M1AP: variants seen among roughly 807,000 people sequenced by gnomAD.
M1AP encodes the protein meiosis 1 arrest protein.
In M1AP, 39 loss-of-function variants were observed where a neutral mutation model predicts 51.2. The observed-to-expected ratio is 0.76, with a 90% CI of 0.59 to 1.00. The LOEUF (loss-of-function observed/expected upper bound fraction) is 1.00. Among genes scored for constraint, M1AP ranks in the 50% least tolerant of loss-of-function variants. The pLI, the probability that M1AP is intolerant of heterozygous loss-of-function variation, is 0.00. For synonymous variants in M1AP, 251 were observed against 249.2 expected (o/e 1.01, Z -0.07); for missense variants, 545 against 641.2 (o/e 0.85, Z 1.62).
Position 74,567,010 on chromosome 2 carries a change from G to A in M1AP, c.1075-4587C>T, listed in dbSNP as rs115464141. 2.4e-3 allele frequency among the ~76,000 whole-genome samples: 373 copies of A among 152,318 alleles called. 4 individuals are homozygous for A. Among genetic ancestry groups the A allele is most frequent in the African/African-American group, 8.5e-3 (353 of 41,566 alleles). The stretch of plus-strand genomic sequence containing the variant: ...ACAGACATGACTTTGTAATTGAAAT[G>A]AGGATGTGGAAAGTGAGTCACTAGC... On this transcript the variant is annotated intron_variant, in intron 7 of 10. Coordinates refer to ENST00000421985, the MANE Select transcript of M1AP (RefSeq NM_001321739.2).
rs534273779 is a variant in M1AP at position 74,622,543 on chromosome 2, CTT to C, written c.241-7396_241-7395del. 2.9e-3 allele frequency among the ~76,000 whole-genome samples: 340 copies of C among 117,292 alleles called. 3 individuals are homozygous for C. Among genetic ancestry groups the C allele is most frequent in the Middle Eastern group, 9.9e-3 (2 of 202 alleles). 76.9% of individuals were successfully genotyped at this position (117,292 alleles called of 152,430 possible). On this transcript the variant is annotated intron_variant, in intron 2 of 10. Coordinates refer to ENST00000421985, the MANE Select transcript of M1AP (RefSeq NM_001321739.2). The stretch of plus-strand genomic sequence containing the variant: ...AGCCACCGCGCCCGGCCATTGCCTG[CTT>C]TTTTTTTTTTTTTTTTTTCTATTTT...
intron 2 of M1AP, among the ~76,000 whole-genome samples, chr2:74,623,134 T>C (rs1682166630): frequency 6.6e-6 from 1 of 152,140 alleles, no homozygotes; most frequent in African/African-American, 2.4e-5. Context: ...AAACAAATTA[T>C]TGGACTAGAT....
Position 74,562,409 on chromosome 2 carries a change from C to A in M1AP, c.1089G>T (p.Leu363=). The change falls in exon 8 of 11, where the codon CTG becomes CTT. Residue 363 remains leucine, a synonymous_variant. Coordinates refer to ENST00000421985, the MANE Select transcript of M1AP (RefSeq NM_001321739.2). ...CCGGTGGTTCCCCCTTGGCTAACAG[C>A]AGCCATTCCCTTTTCTGAAACAAGG... ...LCHSLLKREW[L]LLAKGEPPGP... The A allele has an allele frequency of 6.2e-7, 1 of 1,614,208 alleles. No individual in the cohort carries two copies. The highest frequency in any genetic ancestry group is 8.5e-7 in the Non-Finnish European group (1 of 1,180,022).
chr2:74,629,932 A>C (rs2104801003), intron 2 of M1AP, among the ~76,000 whole-genome samples: 1 of 150,996 alleles, frequency 6.6e-6, no homozygotes, highest in African/African-American at 2.4e-5. Context: ...TGGATAAGAG[A>C]TTCACAACTT....
intron 4 of M1AP, among the ~76,000 whole-genome samples, chr2:74,605,724 C>T (rs1395350933): frequency 6.6e-6 from 1 of 152,002 alleles, no homozygotes; most frequent in East Asian, 1.9e-4. Flanking sequence ...CACGGTGAAA[C>T]CCTGTCTCTA....
chr2:74,582,437 T>C (rs1489962127), intron 4 of M1AP, among the ~76,000 whole-genome samples: 1 of 152,086 alleles, frequency 6.6e-6, no homozygotes, highest in Admixed American at 6.5e-5. Flanking sequence ...AACTATGGAG[T>C]ATTACGTGTT....
intron 5 of M1AP, among the ~76,000 whole-genome samples, chr2:74,579,775 CTTCT>C (rs767126473): frequency 2.6e-5 from 4 of 151,816 alleles, no homozygotes; most frequent in East Asian, 1.9e-4. Flanking sequence ...CGGGCAATGT[CTTCT>C]TTCTTTTTTT....
At chr2:74,618,846 T>G (rs1681837738) in intron 2 of M1AP, 1 of 467,884 alleles carries the variant, frequency 2.1e-6, no homozygotes, top group East Asian at 6.0e-5. Flanking sequence ...CCCATCTGGT[T>G]AAGAGCTCAG....
At chr2:74,579,363 T>C (rs1377603667) in intron 5 of M1AP, among the ~76,000 whole-genome samples, 2 of 152,220 alleles carry the variant, frequency 1.3e-5, no homozygotes. Context: ...GTTAATATAG[T>C]AGATAAAGGC....
intron 9 of M1AP, 126 bp from the exon 10 acceptor site, chr2:74,559,835 C>A (rs900061346): frequency 1.5e-6 from 1 of 685,426 alleles, no homozygotes. Flanking sequence ...TTCCTTCAGC[C>A]TTTTCTTTCA....
intron 10 of M1AP, 112 bp downstream of exon 10, chr2:74,559,586 T>TC (rs1300725301): frequency 2.3e-5 from 16 of 689,558 alleles, no homozygotes; most frequent in Non-Finnish European, 3.5e-5. Flanking sequence ...CCTCAATCAC[T>TC]CTTCCCTCTT....
chr2:74,632,663 C>T (rs1447426895), intron 2 of M1AP, among the ~76,000 whole-genome samples: 3 of 152,198 alleles, frequency 2.0e-5, no homozygotes, highest in South Asian at 2.1e-4. Context: ...GGCGAGTAGG[C>T]ACTTTCTCCA....
At chr2:74,631,402 T>C (rs1476103404) in intron 2 of M1AP, among the ~76,000 whole-genome samples, 1 of 152,176 alleles carries the variant, frequency 6.6e-6, no homozygotes, top group East Asian at 1.9e-4. Context: ...ACAAAATTAG[T>C]GTATTTCCTC....
chr2:74,574,911 T>C (rs531080235), intron 7 of M1AP, among the ~76,000 whole-genome samples: 3 of 152,366 alleles, frequency 2.0e-5, no homozygotes, highest in African/African-American at 7.2e-5. Flanking sequence ...ATGTCACTTC[T>C]ATAGACAGGC....
intron 2 of M1AP, chr2:74,615,482 CCAGA>C: frequency 3.5e-6 from 1 of 287,730 alleles, no homozygotes; most frequent in Non-Finnish European, 6.7e-6. Context: ...AAACTGGAGG[CCAGA>C]CAGTGTTCAC....
intron 3 of M1AP, among the ~76,000 whole-genome samples, chr2:74,611,889 T>TTTG (rs1681377300): frequency 1.4e-5 from 1 of 69,998 alleles, no homozygotes; most frequent in East Asian, 4.3e-4. Context: ...AGTGTTTTTT[T>TTTG]TTTTTTTTTT....
chr2:74,642,596 G>C (rs1683357246), intron 1 of M1AP, among the ~76,000 whole-genome samples: 1 of 152,224 alleles, frequency 6.6e-6, no homozygotes, highest in African/African-American at 2.4e-5. Context: ...CAGCATTATA[G>C]TGAAGGTAGT....
chr2:74,576,721 C>T, intron 5 of M1AP, 103 bp from the exon 6 acceptor site: 1 of 1,341,814 alleles, frequency 7.5e-7, no homozygotes, highest in Non-Finnish European at 1.0e-6. Context: ...ACATCTGCTA[C>T]CCATTCCATC....
chr2:74,641,768 G>A (rs551981425), intron 1 of M1AP, among the ~76,000 whole-genome samples: 1 of 147,822 alleles, frequency 6.8e-6, no homozygotes, highest in African/African-American at 2.5e-5. Flanking sequence ...GAGCCACCGC[G>A]CCCAGCCAAG....
Sources: allele counts gnomAD v4.1 joint callset (sites outside exome capture counted in the v4.1 genomes callset), GRCh38; gene constraint gnomAD v4.1.1; transcripts MANE v1.5; gene names NCBI Gene and HGNC (gene_info 2026-07-23, HGNC 2026-07-21).